ALOX5: variants seen among roughly 807,000 people sequenced by gnomAD.
ALOX5 encodes arachidonate 5-lipoxygenase, also known as polyunsaturated fatty acid 5-lipoxygenase.
A neutral mutation model predicts 87.9 loss-of-function variants in ALOX5; 64 were observed. That is an observed-to-expected ratio of 0.73 (90% CI 0.60 to 0.90). The LOEUF (loss-of-function observed/expected upper bound fraction) is 0.90. Among genes scored for constraint, ALOX5 ranks in the 40% least tolerant of loss-of-function variants. The pLI, the probability that ALOX5 is intolerant of heterozygous loss-of-function variation, is 0.00. For missense variants in ALOX5, 822 were observed against 907.5 expected, an observed-to-expected ratio of 0.91 and a Z score of 1.21; for synonymous variants, 388 against 355.1, an observed-to-expected ratio of 1.09 and a Z score of -1.04.
intron 7 of ALOX5, among the ~76,000 whole-genome samples, chr10:45,433,611 T>G (rs1351727848): frequency 6.6e-6 from 1 of 152,174 alleles, no homozygotes; most frequent in Non-Finnish European, 1.5e-5. Context: ...GCAAAATCAT[T>G]AATCAATACA....
rs1209439120 is a variant in ALOX5 at position 45,425,772 on chromosome 10, A to G, written c.834+640A>G. Among the ~76,000 whole-genome samples, 1 of 152,274 alleles carries G rather than the reference A, an allele frequency of 6.6e-6. No individual in the cohort carries two copies. On this transcript the variant is annotated intron_variant, in intron 6 of 13. Transcript: ENST00000374391. The surrounding 1 kb of genome is among the most constrained non-coding windows in gnomAD (Gnocchi z 4.4). The stretch of plus-strand genomic sequence containing the variant: ...TGGCCCATCAGCCTGCCTCTTCCCC[A>G]TGGATCCAGCGTGATGGGGCCTCCT...
At chr10:45,444,447 C>T (rs1842367813) in intron 13 of ALOX5, 161 bp downstream of exon 13, 3 of 1,010,930 alleles carry the variant, frequency 3.0e-6, no homozygotes, top group Middle Eastern at 3.3e-4. Flanking sequence ...CCACCAGGTC[C>T]CCCGGCCTCA....
At chr10:45,392,032 G>T (rs1413550418) in intron 2 of ALOX5, among the ~76,000 whole-genome samples, 5 of 151,416 alleles carry the variant, frequency 3.3e-5, no homozygotes, top group Non-Finnish European at 7.4e-5. Context: ...CCGTCCGGGA[G>T]GGGAGGGGTT....
intron 4 of ALOX5, 31 bp downstream of exon 4, chr10:45,412,344 C>A: frequency 1.2e-6 from 2 of 1,611,816 alleles, no homozygotes; most frequent in Non-Finnish European, 1.7e-6. Flanking sequence ...GGACTCTGGG[C>A]AGCCCCTCCA....
chr10:45,440,639 G>C lies in ALOX5; in HGVS notation c.1185+6G>C. Reference sequence around the variant, plus strand: ...CTGTGCACCCCATTTTCAAGGTACAGCCAGCTACCGCCCCACCTGCTATGG... The same window carrying C: ...CTGTGCACCCCATTTTCAAGGTACACCCAGCTACCGCCCCACCTGCTATGG... On this transcript the variant is annotated splice_donor_region_variant and intron_variant, in intron 8 of 13. Coordinates refer to ENST00000374391, the MANE Select transcript of ALOX5 (RefSeq NM_000698.5). 1 of 1,613,432 alleles carries C rather than the reference G, an allele frequency of 6.2e-7. No homozygotes were observed. Among genetic ancestry groups the C allele is most frequent in the Non-Finnish European group, 8.5e-7 (1 of 1,179,700 alleles).
intron 4 of ALOX5, among the ~76,000 whole-genome samples, chr10:45,417,744 A>G (rs1841347462): frequency 6.6e-6 from 1 of 152,196 alleles, no homozygotes; most frequent in Non-Finnish European, 1.5e-5. Flanking sequence ...GCCATCTCTC[A>G]GGTCCTACAT....
At chr10:45,382,760 A>G in intron 2 of ALOX5, 79 bp downstream of exon 2, 8 of 1,501,352 alleles carry the variant, frequency 5.3e-6, no homozygotes, top group Non-Finnish European at 6.3e-6. Context: ...CTGTAGTCAT[A>G]GGAGGAATGA....
chr10:45,425,574 C>T lies in ALOX5; in HGVS notation c.834+442C>T, dbSNP rs1159676615. Among the ~76,000 whole-genome samples, 1 of 152,192 alleles carries T rather than the reference C, an allele frequency of 6.6e-6. No individual in the cohort carries two copies. The highest frequency in any genetic ancestry group is 1.5e-5 in the Non-Finnish European group (1 of 68,032). On this transcript the variant is annotated intron_variant, in intron 6 of 13. Coordinates refer to ENST00000374391, the MANE Select transcript of ALOX5 (RefSeq NM_000698.5). The surrounding 1 kb of genome is among the most constrained non-coding windows in gnomAD (Gnocchi z 4.4). Reference sequence around the variant, plus strand: ...AAAAGGGGCACGAGGAGAAACCCAACAGAATGGTTGATTTTCTCGTTAGAA... The same window carrying T: ...AAAAGGGGCACGAGGAGAAACCCAATAGAATGGTTGATTTTCTCGTTAGAA...
intron 1 of ALOX5, among the ~76,000 whole-genome samples, chr10:45,376,823 C>G (rs975764723): frequency 1.3e-5 from 2 of 152,152 alleles, no homozygotes; most frequent in African/African-American, 4.8e-5. Context: ...GACTGGGAAT[C>G]AAGTCCTTCG....
At chr10:45,375,949 A>G (rs968134629) in intron 1 of ALOX5, among the ~76,000 whole-genome samples, 3 of 152,188 alleles carry the variant, frequency 2.0e-5, no homozygotes, top group Non-Finnish European at 4.4e-5. Flanking sequence ...TATTTCATGG[A>G]TTCCCCACAC....
At chr10:45,396,492 C>G (rs150605268) in intron 3 of ALOX5, among the ~76,000 whole-genome samples, 1 of 151,980 alleles carries the variant, frequency 6.6e-6, no homozygotes, top group Non-Finnish European at 1.5e-5. Flanking sequence ...AAATGAAATG[C>G]GCAAATTCCT....
intron 7 of ALOX5, among the ~76,000 whole-genome samples, chr10:45,430,772 A>T (rs1841879195): frequency 6.6e-6 from 1 of 152,156 alleles, no homozygotes. Flanking sequence ...GCCAATTTCC[A>T]TATAGTGATT....
intron 3 of ALOX5, among the ~76,000 whole-genome samples, chr10:45,400,013 G>A (rs1840643983): frequency 6.6e-6 from 1 of 152,198 alleles, no homozygotes; most frequent in African/African-American, 2.4e-5. Context: ...AGGATGTGGA[G>A]AAACTGGAAC....
At chr10:45,394,744 C>G (rs1018756213) in intron 2 of ALOX5, among the ~76,000 whole-genome samples, 2 of 151,934 alleles carry the variant, frequency 1.3e-5, no homozygotes, top group African/African-American at 4.8e-5. Context: ...ACAAACAACT[C>G]AAACAAATTT....
At chr10:45,384,645 G>A (rs540655184) in intron 2 of ALOX5, among the ~76,000 whole-genome samples, 2 of 152,220 alleles carry the variant, frequency 1.3e-5, no homozygotes, top group South Asian at 4.2e-4. Flanking sequence ...CCAAGAGCAA[G>A]TTTTCTAAGA....
At position 45,445,514 on chromosome 10, in the gene ALOX5, C is replaced by G; in HGVS notation, c.1852C>G (p.Leu618Val). Residue 618 changes from leucine (L) to valine (V), a missense_variant, in exon 14 of 14, where the codon CTG (leucine) becomes GTG (valine). Leu to Val is a conservative substitution (Grantham distance 32). Coordinates refer to ENST00000374391, the MANE Select transcript of ALOX5 (RefSeq NM_000698.5). ...LSQFQENELF[L>V]GMYPEEHFIE... ...TCCATGTCTGGGCCCTCAGCTGTTC[C>G]TGGGCATGTACCCAGAAGAGCATTT... The G allele has an allele frequency of 6.2e-7, 1 of 1,613,194 alleles. No individual in the cohort carries two copies. Among genetic ancestry groups the G allele is most frequent in the East Asian group, 2.2e-5 (1 of 44,838 alleles).
At position 45,382,645 on chromosome 10, in the gene ALOX5, A is replaced by G; in HGVS notation, c.313A>G (p.Thr105Ala). 1 of 1,613,898 alleles carries G rather than the reference A, an allele frequency of 6.2e-7. No individual in the cohort carries two copies. Among genetic ancestry groups the G allele is most frequent in the Non-Finnish European group, 8.5e-7 (1 of 1,179,930 alleles). ...CGAGTTCCCCTGCTACCGCTGGATC[A>G]CCGGCGATGTCGAGGTTGTCCTGAG... ...YIEFPCYRWI[T>A]GDVEVVLRDG... Residue 105 changes from threonine to alanine, a missense_variant, in exon 2 of 14, where the codon ACC (threonine) becomes GCC (alanine). Coordinates refer to ENST00000374391, the MANE Select transcript of ALOX5 (RefSeq NM_000698.5).
chr10:45,382,720 G>C (rs529527916), intron 2 of ALOX5, 39 bp downstream of exon 2: 14 of 1,582,552 alleles, frequency 8.8e-6, no homozygotes, highest in Non-Finnish European at 1.1e-5. Flanking sequence ...GGCTTCCCAA[G>C]AACCGAAAGT....
Position 45,445,525 on chromosome 10 carries a change from C to T in ALOX5, c.1863C>T (p.Tyr621=), listed in dbSNP as rs1192990533. The T allele has an allele frequency of 1.9e-6, 3 of 1,613,924 alleles. No individual in the cohort carries two copies. Among genetic ancestry groups the T allele is most frequent in the Non-Finnish European group, 2.5e-6 (3 of 1,179,952 alleles). Residue 621 remains tyrosine (Y), a synonymous_variant, in exon 14 of 14, where the codon TAC becomes TAT. Coordinates refer to ENST00000374391, the MANE Select transcript of ALOX5 (RefSeq NM_000698.5). ...FQENELFLGM[Y]PEEHFIEKPV... Reference sequence around the variant, plus strand: ...GCCCTCAGCTGTTCCTGGGCATGTACCCAGAAGAGCATTTTATCGAGAAGC... The same window carrying T: ...GCCCTCAGCTGTTCCTGGGCATGTATCCAGAAGAGCATTTTATCGAGAAGC...
Sources: gnomAD v4.1 joint callset for allele counts (sites outside exome capture counted in the v4.1 genomes callset) on GRCh38, gnomAD v4.1.1 for gene constraint, Gnocchi (gnomAD v3.1) non-coding constraint, MANE v1.5 for transcripts, NCBI Gene and HGNC (gene_info 2026-07-23, HGNC 2026-07-21) for gene names.